CLCN4: variants seen among roughly 807,000 people sequenced by gnomAD.
CLCN4 encodes the protein Cl-/H+ antiporter 4.
A neutral mutation model predicts 41.7 loss-of-function variants in CLCN4; 1 was observed. The observed-to-expected ratio is 0.02, with a 90% CI of 0.01 to 0.11. The LOEUF (loss-of-function observed/expected upper bound fraction) is 0.11, where lower values mean the gene tolerates loss of function less well. Among genes scored for constraint, CLCN4 ranks in the 10% least tolerant of loss-of-function variants. CLCN4 has a pLI of 1.00. For synonymous variants in CLCN4, 277 were observed against 285.8 expected, an observed-to-expected ratio of 0.97 and a Z score of 0.31; for missense variants, 287 against 661.0, an observed-to-expected ratio of 0.43 and a Z score of 6.20.
chrX:10,173,802 G>A (rs1039164707), intron 2 of CLCN4, among the ~76,000 whole-genome samples: 17 of 111,972 alleles, frequency 1.5e-4, no homozygotes, highest in South Asian at 3.7e-4. Flanking sequence ...TCTAGGTGAC[G>A]TAAGCTGGGA....
chrX:10,225,372 G>A (rs1179369347), intron 12 of CLCN4, among the ~76,000 whole-genome samples: 1 of 112,401 alleles, frequency 8.9e-6, no homozygotes, highest in African/African-American at 3.2e-5. Flanking sequence ...TTTCTCATAT[G>A]TTTGTTGGCT....
At chrX:10,207,527 G>A (rs1468828877) in intron 8 of CLCN4, among the ~76,000 whole-genome samples, 1 of 111,867 alleles carries the variant, frequency 8.9e-6, no homozygotes, top group Non-Finnish European at 1.9e-5. Flanking sequence ...GTTTCCTTAT[G>A]GGCACTGAAA....
At chrX:10,178,765 C>T (rs1017143992) in intron 2 of CLCN4, among the ~76,000 whole-genome samples, 2 of 111,345 alleles carry the variant, frequency 1.8e-5, no homozygotes, top group African/African-American at 6.6e-5. Flanking sequence ...GCTGTCGGCT[C>T]CTTGCTGGTT....
At chrX:10,207,201 G>A (rs190053302) in intron 8 of CLCN4, among the ~76,000 whole-genome samples, 31 of 112,374 alleles carry the variant, frequency 2.8e-4, no homozygotes, top group African/African-American at 7.4e-4. Context: ...GATTACAGGC[G>A]TGAGCCACAA....
chrX:10,219,562 C>G lies in CLCN4; in HGVS notation c.1976-1099C>G. On this transcript the variant is annotated intron_variant, in intron 11 of 12. Coordinates refer to ENST00000380833, the MANE Select transcript of CLCN4 (RefSeq NM_001830.4). ...TTTGCCCAGCAGGCCCTCTGTTCCT[C>G]TTTTAAACAGAGACCCTTTTTCAGA... 2.7e-5 allele frequency among the ~76,000 whole-genome samples: 3 copies of G among 112,730 alleles called. 1 individual carries two copies. In the Admixed American group the frequency reaches 2.8e-4, roughly 11 times the overall value.
At chrX:10,212,020 C>G (rs1180719036) in intron 9 of CLCN4, among the ~76,000 whole-genome samples, 1 of 111,877 alleles carries the variant, frequency 8.9e-6, no homozygotes, top group Non-Finnish European at 1.9e-5. Flanking sequence ...ATGGACTTAG[C>G]TTCTTTATTT....
intron 6 of CLCN4, among the ~76,000 whole-genome samples, chrX:10,199,877 G>GC (rs1423372273): frequency 9.0e-6 from 1 of 110,671 alleles, no homozygotes; most frequent in Non-Finnish European, 1.9e-5. Context: ...TCATGCCTCA[G>GC]CCCCCCAAGT....
chrX:10,224,916 A>G (rs987740343), intron 12 of CLCN4, among the ~76,000 whole-genome samples: 3 of 112,265 alleles, frequency 2.7e-5, no homozygotes, highest in African/African-American at 9.7e-5. Flanking sequence ...TGCAAAGGAC[A>G]TGATCTCATT....
intron 12 of CLCN4, among the ~76,000 whole-genome samples, chrX:10,228,669 G>A (rs1380691519): frequency 9.0e-6 from 1 of 111,623 alleles, no homozygotes; most frequent in Non-Finnish European, 1.9e-5. Flanking sequence ...GTGTCTGAAA[G>A]CTTCTGGCTG....
chrX:10,199,345 C>T (rs1924177558), intron 6 of CLCN4, among the ~76,000 whole-genome samples: 1 of 112,488 alleles, frequency 8.9e-6, no homozygotes, highest in Non-Finnish European at 1.9e-5. Flanking sequence ...AACAGGAGCA[C>T]AGCTGTACAC....
At chrX:10,188,898 A>G (rs1383251452) in intron 4 of CLCN4, among the ~76,000 whole-genome samples, 1 of 112,150 alleles carries the variant, frequency 8.9e-6, no homozygotes, top group African/African-American at 3.2e-5. Flanking sequence ...CTGCCTCAGC[A>G]TTCCGTAAAG....
chrX:10,183,593 T>C (rs1446922103), intron 2 of CLCN4, among the ~76,000 whole-genome samples: 2 of 111,873 alleles, frequency 1.8e-5, no homozygotes, highest in African/African-American at 6.5e-5. Flanking sequence ...TCTGTAAGAC[T>C]GTATTCTTTT....
chrX:10,179,230 G>A (rs765457616), intron 2 of CLCN4, among the ~76,000 whole-genome samples: 1 of 111,599 alleles, frequency 9.0e-6, no homozygotes, highest in South Asian at 3.8e-4. Context: ...GCTTGTCCCT[G>A]CGAGGGTGAA....
At chrX:10,191,756 T>G (rs1234733288) in intron 4 of CLCN4, among the ~76,000 whole-genome samples, 1 of 92,721 alleles carries the variant, frequency 1.1e-5, no homozygotes, top group African/African-American at 4.0e-5. Context: ...TTCAGGCTAG[T>G]CCTGAACTCC....
intron 2 of CLCN4, among the ~76,000 whole-genome samples, chrX:10,178,045 A>G (rs1229547951): frequency 9.0e-6 from 1 of 111,038 alleles, no homozygotes; most frequent in Non-Finnish European, 1.9e-5. Context: ...CACATACTGC[A>G]TGATTCCACT....
chrX:10,211,585 C>G (rs1034441860), intron 9 of CLCN4, among the ~76,000 whole-genome samples: 1 of 111,911 alleles, frequency 8.9e-6, no homozygotes, highest in Non-Finnish European at 1.9e-5. Flanking sequence ...AAATCACACC[C>G]AAGGATCCAA....
At chrX:10,169,509 A>G (rs184846585) in intron 2 of CLCN4, among the ~76,000 whole-genome samples, 1 of 112,039 alleles carries the variant, frequency 8.9e-6, no homozygotes, top group Admixed American at 9.5e-5. Context: ...AAAAACAAAC[A>G]AACAAACAAA....
intron 4 of CLCN4, among the ~76,000 whole-genome samples, chrX:10,193,030 G>A (rs188860622): frequency 8.9e-6 from 1 of 112,138 alleles, no homozygotes; most frequent in South Asian, 3.7e-4. Context: ...GTGGACTGAA[G>A]TGGAGATATC....
chrX:10,230,118 C>T (rs935694330), intron 12 of CLCN4, among the ~76,000 whole-genome samples: 1 of 112,196 alleles, frequency 8.9e-6, no homozygotes, highest in Non-Finnish European at 1.9e-5. Flanking sequence ...AGATTTTTCC[C>T]TATAGAGTTG....
Sources: allele counts gnomAD v4.1 joint callset (sites outside exome capture counted in the v4.1 genomes callset), GRCh38; gene constraint gnomAD v4.1.1; transcripts MANE v1.5; gene names NCBI Gene and HGNC (gene_info 2026-07-23, HGNC 2026-07-21).